ATG16L1: variants seen among roughly 807,000 people sequenced by gnomAD.
ATG16L1 encodes the protein autophagy-related protein 16-1.
Under a neutral mutation model 88.5 loss-of-function variants are expected in ATG16L1, and 37 were observed. The ratio of observed to expected loss-of-function variants is 0.42; its 90% confidence interval spans 0.32 to 0.55. The LOEUF is 0.55. ATG16L1 is among the 20% of genes least tolerant of loss of function. The pLI is 0.13. For synonymous variants in ATG16L1, 301 were observed against 281.0 expected, an observed-to-expected ratio of 1.07 and a Z score of -0.71; for missense variants, 554 against 752.8, an observed-to-expected ratio of 0.74 and a Z score of 3.09.
At position 233,263,148 on chromosome 2, in the gene ATG16L1, A is replaced by G. The variant is rs368759804; in HGVS notation, c.228A>G (p.Thr76=). 6.2e-7 allele frequency: 1 copy of G among 1,614,050 alleles called. No individual in the cohort carries two copies. The highest frequency in any genetic ancestry group is 8.5e-7 in the Non-Finnish European group (1 of 1,180,048). The change falls in exon 3 of 18, where the codon ACA becomes ACG. Residue 76 remains threonine (T), a synonymous_variant. Coordinates refer to ENST00000392017, the MANE Select transcript of ATG16L1 (RefSeq NM_030803.7). ...AATTTAGTCCCGGACATGATGGCAC[A>G]TGGAATGACAATCAGCTACAAGAAA... The part of the protein sequence containing the change: ...RHEISPGHDG[T]WNDNQLQEMA...
At position 233,290,058 on chromosome 2, in the gene ATG16L1, A is replaced by T. The variant is rs549392666; in HGVS notation, c.1324+84A>T. 1.4e-5 allele frequency: 22 copies of T among 1,585,054 alleles called. No individual in the cohort carries two copies. The South Asian group carries it at 2.2e-4, about 16-fold the overall frequency. On this transcript the variant is annotated intron_variant, in intron 13 of 17. Coordinates refer to ENST00000392017, the MANE Select transcript of ATG16L1 (RefSeq NM_030803.7). ...TGTTTGCACGTCAGAGCCTGCATTT[A>T]TGTAATATAGTTTGAATTTCAGATC...
chr2:233,265,712 C>T (rs545150749), intron 5 of ATG16L1, among the ~76,000 whole-genome samples: 66 of 152,288 alleles, frequency 4.3e-4, no homozygotes, highest in African/African-American at 1.6e-3. Flanking sequence ...TCAGGATCCA[C>T]CCGCCTCGGC....
intron 2 of ATG16L1, among the ~76,000 whole-genome samples, chr2:233,257,536 TACTC>T (rs1696878371): frequency 1.3e-5 from 2 of 152,214 alleles, no homozygotes; most frequent in Non-Finnish European, 2.9e-5. Flanking sequence ...TAACCTATGA[TACTC>T]AGTAGGTGAG....
intron 16 of ATG16L1, among the ~76,000 whole-genome samples, chr2:233,293,005 C>A (rs1699566356): frequency 6.6e-6 from 1 of 152,144 alleles, no homozygotes; most frequent in Admixed American, 6.5e-5. Flanking sequence ...TTGTTGAAGT[C>A]TGTAGATGGT....
rs928034559 is a variant in ATG16L1 at position 233,273,748 on chromosome 2, C to T, written c.822C>T (p.Gly274=). The T allele has an allele frequency of 3.1e-6, 5 of 1,614,078 alleles. No homozygotes were observed. Among genetic ancestry groups the T allele is most frequent in the Non-Finnish European group, 4.2e-6 (5 of 1,180,036 alleles). ...ATKRLSQPAG[G]LLDSITNIFG... is the part of the protein sequence containing the mutation. ...AGCGACTCTCGCAGCCTGCTGGAGG[C>T]CTTCTGGATTCTATCACTAATATCT... The change falls in exon 8 of 18, where the codon GGC becomes GGT. Residue 274 remains glycine (G), a synonymous_variant. Transcript: ENST00000392017.
chr2:233,254,323 G>A (rs1696627888), intron 1 of ATG16L1, among the ~76,000 whole-genome samples: 1 of 152,198 alleles, frequency 6.6e-6, no homozygotes, highest in Admixed American at 6.5e-5. Context: ...AGTGAGACAG[G>A]CTTTGCATGT....
rs187253032 is a variant in ATG16L1, at chr2:233,276,021, C to A, written c.954+1243C>A. Reference sequence around the variant, plus strand: ...TGAGACCTCCTAAGGAGAAAGAAACCATAAAAAAGAAAAGGAAATTTCATG... The same window carrying A: ...TGAGACCTCCTAAGGAGAAAGAAACAATAAAAAAGAAAAGGAAATTTCATG... On this transcript the variant is annotated intron_variant, in intron 9 of 17. Coordinates refer to ENST00000392017, the MANE Select transcript of ATG16L1 (RefSeq NM_030803.7). 136 of 503,914 alleles carry A rather than the reference C, an allele frequency of 2.7e-4. 1 individual carries two copies. The East Asian group carries it at 7.2e-3, about 27-fold the overall frequency. The allele number at this position is 503,914 out of a possible 1,614,324, so 31.2% of individuals were successfully genotyped here. A position where few individuals can be genotyped will look rare whatever the true frequency, so the allele number is the denominator to read the frequency against.
intron 12 of ATG16L1, among the ~76,000 whole-genome samples, chr2:233,285,140 CCGGTA>C (rs1439730131): frequency 6.6e-6 from 1 of 152,196 alleles, no homozygotes; most frequent in Non-Finnish European, 1.5e-5. Flanking sequence ...GATGGCCTAG[CCGGTA>C]CTCATGGCTA....
chr2:233,260,661 G>A (rs1697142684), intron 2 of ATG16L1, among the ~76,000 whole-genome samples: 1 of 152,182 alleles, frequency 6.6e-6, no homozygotes, highest in South Asian at 2.1e-4. Context: ...GAAGTCCTTG[G>A]AGGCTTTGGG....
chr2:233,287,269 C>T (rs549867885), intron 12 of ATG16L1, among the ~76,000 whole-genome samples: 4 of 152,132 alleles, frequency 2.6e-5, no homozygotes, highest in Admixed American at 1.3e-4. Flanking sequence ...AAAATGCTTA[C>T]GCTATAAGCT....
chr2:233,292,012 T>A, intron 14 of ATG16L1, 116 bp from the exon 15 acceptor site: 1 of 1,228,766 alleles, frequency 8.1e-7, no homozygotes, highest in Non-Finnish European at 1.1e-6. Flanking sequence ...ACACATTGAC[T>A]GCGCTGGCAG....
intron 2 of ATG16L1, among the ~76,000 whole-genome samples, chr2:233,257,695 T>C (rs1390817586): frequency 2.6e-5 from 4 of 152,152 alleles, no homozygotes; most frequent in African/African-American, 9.7e-5. Context: ...TATTTTTCTT[T>C]AAGAACTAGA....
At chr2:233,286,583 C>CT (rs1177746711) in intron 12 of ATG16L1, among the ~76,000 whole-genome samples, 2 of 145,130 alleles carry the variant, frequency 1.4e-5, no homozygotes, top group African/African-American at 5.2e-5. Flanking sequence ...GCAGCTCCAG[C>CT]TTATTCTCAC....
chr2:233,266,871 G>A (rs1381982119), intron 5 of ATG16L1, among the ~76,000 whole-genome samples: 1 of 152,182 alleles, frequency 6.6e-6, no homozygotes, highest in Non-Finnish European at 1.5e-5. Flanking sequence ...AGTGAAATAA[G>A]CCAGGCACAG....
intron 3 of ATG16L1, 99 bp from the exon 4 acceptor site, chr2:233,263,893 C>T (rs978952243): frequency 5.4e-5 from 64 of 1,186,816 alleles, no homozygotes; most frequent in Middle Eastern, 4.0e-4. Context: ...TCACCCAGCT[C>T]ATTTATTCTT....
At chr2:233,288,633 G>A (rs745775947) in intron 12 of ATG16L1, 1 of 414,116 alleles carries the variant, frequency 2.4e-6, no homozygotes, top group Non-Finnish European at 4.8e-6. Flanking sequence ...CTGAACCTCT[G>A]GTGTTTTACA....
At position 233,289,806 on chromosome 2, in the gene ATG16L1, C is replaced by T. The variant is rs1699340150; in HGVS notation, c.1204-48C>T. 2.5e-6 allele frequency: 4 copies of T among 1,600,062 alleles called. No individual in the cohort carries two copies. The South Asian group carries it at 3.3e-5, about 13-fold the overall frequency. On this transcript the variant is annotated intron_variant, in intron 12 of 17. Coordinates refer to ENST00000392017, the MANE Select transcript of ATG16L1 (RefSeq NM_030803.7). ...GCTGTGGATACTTTGCCAGCATAGG[C>T]AGGGCCTGGCGCCCTGAGGCTCACC...
chr2:233,266,914 G>C (rs1249705938), intron 5 of ATG16L1, among the ~76,000 whole-genome samples: 2 of 152,234 alleles, frequency 1.3e-5, no homozygotes, highest in Non-Finnish European at 2.9e-5. Context: ...TACATGTGGG[G>C]CTAAAAGAAA....
chr2:233,280,984 G>A, intron 10 of ATG16L1, 121 bp from the exon 11 acceptor site: 1 of 611,674 alleles, frequency 1.6e-6, no homozygotes, highest in South Asian at 2.2e-5. Context: ...TTCTGTAAAG[G>A]TACAGGATAG....
Sources: gnomAD v4.1 joint callset for allele counts (sites outside exome capture counted in the v4.1 genomes callset) on GRCh38, gnomAD v4.1.1 for gene constraint, MANE v1.5 for transcripts, NCBI Gene and HGNC (gene_info 2026-07-23, HGNC 2026-07-21) for gene names.